The following KPTN variants were observed in gnomAD, a reference collection of about 807,000 sequenced individuals.
The protein encoded by KPTN is KICSTOR complex protein kaptin.
KPTN carries 36 observed loss-of-function variants against 52.6 expected under a neutral mutation model. That is an observed-to-expected ratio of 0.68 (90% confidence interval 0.52 to 0.90). The LOEUF is 0.90. Ranked by LOEUF, KPTN falls within the 40% of genes least tolerant of loss-of-function variation. The pLI is 0.00. For synonymous variants in KPTN, 271 were observed against 248.4 expected, an observed-to-expected ratio of 1.09 and a Z score of -0.85; for missense variants, 529 against 576.2, an observed-to-expected ratio of 0.92 and a Z score of 0.84.
In KPTN at chr19:47,480,825, C is replaced by A; in HGVS notation, c.534G>T (p.Gly178=). 2 of 1,614,086 alleles carry A rather than the reference C, an allele frequency of 1.2e-6. No individual in the cohort carries two copies. Among genetic ancestry groups the A allele is most frequent in the Non-Finnish European group, 1.7e-6 (2 of 1,180,016 alleles). Residue 178 remains glycine (G), a synonymous_variant, in exon 6 of 12, where the codon GGG becomes GGT. Coordinates refer to ENST00000338134, the MANE Select transcript of KPTN (RefSeq NM_007059.4). ...CGGGCTGTTCCTCAAACTGATGCAG[C>A]CCCTCGTTCTGGGGAAACCAAGACC... ...PAIHLYKENE[G]LHQFEEQPVE...
At chr19:47,480,904 G>A (rs1365725596) in intron 5 of KPTN, 54 bp downstream of exon 5, 8 of 1,608,724 alleles carry the variant, frequency 5.0e-6, no homozygotes, top group Non-Finnish European at 3.4e-6. Flanking sequence ...CCCACCCAGC[G>A]CCAGCCCACA....
At chr19:47,477,048 C>T in intron 9 of KPTN, 110 bp from the exon 10 acceptor site, 6 of 1,125,404 alleles carry the variant, frequency 5.3e-6, no homozygotes, top group Non-Finnish European at 6.3e-6. Flanking sequence ...GGCCTAGACA[C>T]ACTGGTCCTC....
chr19:47,476,984 G>A (rs1298748145), intron 9 of KPTN, 46 bp from the exon 10 acceptor site: 1 of 1,538,172 alleles, frequency 6.5e-7, no homozygotes, highest in Non-Finnish European at 8.8e-7. Context: ...AGCTTGCAGT[G>A]CCCAGCACCC....
chr19:47,475,242 G>C lies in KPTN; in HGVS notation c.*174C>G. The C allele has an allele frequency of 1.7e-6, 1 of 596,576 alleles. No homozygotes were observed. The highest frequency in any genetic ancestry group is 2.9e-6 in the Non-Finnish European group (1 of 348,210). 37.0% of individuals were successfully genotyped at this position (596,576 alleles called of 1,614,324 possible). A position where few individuals can be genotyped will look rare whatever the true frequency, so the allele number is the denominator to read the frequency against. On this transcript the variant is annotated 3_prime_UTR_variant, in exon 12 of 12. Transcript: ENST00000338134. The stretch of plus-strand genomic sequence containing the variant: ...ATGGGATCATCCCTGCTTTCAAATA[G>C]GGACATTGACGTACAGAGAGAGGAG...
chr19:47,481,088 C>T, intron 4 of KPTN, 55 bp from the exon 5 acceptor site: 2 of 1,392,362 alleles, frequency 1.4e-6, no homozygotes, highest in Non-Finnish European at 2.0e-6. Flanking sequence ...GGTCTGAGAA[C>T]CAGAACTCTC....
intron 4 of KPTN, among the ~76,000 whole-genome samples, chr19:47,481,420 C>T (rs1038611942): frequency 6.6e-6 from 1 of 152,148 alleles, no homozygotes; most frequent in Non-Finnish European, 1.5e-5. Context: ...CATTCTGAAA[C>T]CCTGGTATTC....
intron 8 of KPTN, among the ~76,000 whole-genome samples, chr19:47,477,995 G>A (rs1408303299): frequency 1.3e-5 from 2 of 151,908 alleles, no homozygotes; most frequent in Admixed American, 6.6e-5. Context: ...GGGAGGCGGA[G>A]GTTGGAGTGA....
chr19:47,481,744 C>T (rs1203590496), intron 4 of KPTN: 1 of 152,208 alleles, frequency 6.6e-6, no homozygotes, highest in Non-Finnish European at 1.5e-5. Context: ...GACAGACTGG[C>T]CCTCAAAGCC....
chr19:47,481,301 C>T (rs1179623432), intron 4 of KPTN, among the ~76,000 whole-genome samples: 1 of 152,122 alleles, frequency 6.6e-6, no homozygotes, highest in East Asian at 1.9e-4. Flanking sequence ...CTTGCTAGAA[C>T]CTCCCGCTCT....
At position 47,475,564 on chromosome 19, in the gene KPTN, G is replaced by C. The variant is rs1284885414; in HGVS notation, c.1183-20C>G. The C allele has an allele frequency of 1.9e-6, 3 of 1,609,662 alleles. No individual in the cohort carries two copies. Among genetic ancestry groups the C allele is most frequent in the South Asian group, 2.2e-5 (2 of 90,956 alleles). ...GCTGTGCTGTGGGGAACAAGAGAATGAGGGGGATGGAGCTGAGGAAGAGCT... is the reference window on the plus strand; with the variant it reads ...GCTGTGCTGTGGGGAACAAGAGAATCAGGGGGATGGAGCTGAGGAAGAGCT... On this transcript the variant is annotated intron_variant, in intron 11 of 11. Transcript: ENST00000338134.
In KPTN at chr19:47,477,774, C is replaced by T. The variant is rs756113007; in HGVS notation, c.795G>A (p.Lys265=). Residue 265 remains lysine (K), a synonymous_variant, in exon 9 of 12, where the codon AAG becomes AAA. Transcript: ENST00000338134. ...VFSLSAAKET[K]DRPLQDEYSV... ...TGTACTCATCTTGTAGTGGCCTGTC[C>T]TTGGTCTCTGGAGAAGAAACATGAA... is the stretch of plus-strand genomic sequence containing the variant. 1 of 1,613,042 alleles carries T rather than the reference C, an allele frequency of 6.2e-7. No homozygotes were observed. The highest frequency in any genetic ancestry group is 1.3e-5 in the African/African-American group (1 of 74,990).
At chr19:47,479,827 C>A in intron 8 of KPTN, 36 bp downstream of exon 8, 1 of 1,569,678 alleles carries the variant, frequency 6.4e-7, no homozygotes, top group Non-Finnish European at 8.8e-7. Flanking sequence ...TCCCTCCCAC[C>A]CGCTCTCTCC....
At chr19:47,482,429 C>T (rs1043150540) in intron 4 of KPTN, among the ~76,000 whole-genome samples, 77 of 138,480 alleles carry the variant, frequency 5.6e-4, no homozygotes, top group African/African-American at 2.0e-3. Flanking sequence ...GTAGAGGTTG[C>T]AGAGATCGAG....
chr19:47,479,991 G>GCAGCCCTGAAAC lies in KPTN; in HGVS notation c.710-63_710-52dup, dbSNP rs749839036. The GCAGCCCTGAAAC allele has an allele frequency of 1.3e-4, 158 of 1,193,132 alleles. 1 individual carries two copies. The highest frequency in any genetic ancestry group is 1.6e-4 in the Non-Finnish European group (150 of 913,754). The allele number at this position is 1,193,132 out of a possible 1,614,324, so 73.9% of individuals were successfully genotyped here. On this transcript the variant is annotated intron_variant, in intron 7 of 11. Coordinates refer to ENST00000338134, the MANE Select transcript of KPTN (RefSeq NM_007059.4). ...CCCCAACCCCACCCCGGTCCCGCCC[G>GCAGCCCTGAAAC]CAGCCCTGAAACCATCGACTTTCCG...
At position 47,476,718 on chromosome 19, in the gene KPTN, C is replaced by T. The variant is rs368602408; in HGVS notation, c.1000-4G>A. 2.6e-5 allele frequency: 42 copies of T among 1,609,586 alleles called. No individual in the cohort carries two copies. The highest frequency in any genetic ancestry group is 1.1e-4 in the East Asian group (5 of 44,654). On this transcript the variant is annotated splice_region_variant and splice_polypyrimidine_tract_variant and intron_variant, in intron 10 of 11. Transcript: ENST00000338134. ...GGTACTTATAACACAGCAGTTCCTGCGGGGGTGAAGAATCAGGTCACACAG... is the reference window on the plus strand; with the variant it reads ...GGTACTTATAACACAGCAGTTCCTGTGGGGGTGAAGAATCAGGTCACACAG...
chr19:47,484,549 T>C, upstream of KPTN: 1 of 210,168 alleles, frequency 4.8e-6, no homozygotes, highest in East Asian at 1.2e-4. Context: ...TCTAATACTT[T>C]ATTAAAAATT....
At chr19:47,483,630 TC>T in intron 1 of KPTN, 46 bp from the exon 2 acceptor site, 1 of 1,376,774 alleles carries the variant, frequency 7.3e-7, no homozygotes, top group Non-Finnish European at 1.0e-6. Context: ...GACTCATGCT[TC>T]CAATCTCCCC....
At chr19:47,484,582 C>T (rs547314693), upstream of KPTN, 105 of 185,362 alleles carry the variant, frequency 5.7e-4, no homozygotes, top group African/African-American at 2.4e-3. Flanking sequence ...GAGGTAGGTA[C>T]TTAAATCCAT....
chr19:47,482,490 A>G (rs1026952224), intron 4 of KPTN, among the ~76,000 whole-genome samples: 2 of 151,056 alleles, frequency 1.3e-5, no homozygotes, highest in Admixed American at 6.6e-5. Context: ...CAAAAAAAAA[A>G]AAAAAGAAAG....
Sources: gnomAD v4.1 joint callset for allele counts (sites outside exome capture counted in the v4.1 genomes callset) on GRCh38, gnomAD v4.1.1 for gene constraint, MANE v1.5 for transcripts, NCBI Gene and HGNC (gene_info 2026-07-23, HGNC 2026-07-21) for gene names.